The following PRRC1 variants were observed in gnomAD, a reference collection of about 807,000 sequenced individuals.
The protein encoded by PRRC1 is proline rich coiled-coil 1.
In PRRC1, 39 loss-of-function variants were observed where a neutral mutation model predicts 40.7. The observed-to-expected ratio is 0.96, with a 90% CI of 0.74 to 1.25. PRRC1 has a LOEUF of 1.25. PRRC1 is among the 50% of genes most tolerant of loss of function. PRRC1 has a pLI of 0.00. For synonymous variants in PRRC1, 175 were observed against 193.3 expected (o/e 0.91, Z 0.79); for missense variants, 573 against 548.3 (o/e 1.05, Z -0.45).
chr5:127,523,654 A>G (rs941618335), intron 2 of PRRC1, 72 bp downstream of exon 2: 2 of 881,730 alleles, frequency 2.3e-6, no homozygotes, highest in East Asian at 2.6e-5. Context: ...CTCAGAGTCA[A>G]TTAAGAAAAG....
intron 8 of PRRC1, chr5:127,548,836 T>C (rs951978900): frequency 2.0e-5 from 3 of 152,138 alleles, no homozygotes; most frequent in Non-Finnish European, 2.9e-5. Context: ...TTTGAAATTT[T>C]ACTGAAACTT....
In PRRC1 at chr5:127,547,853, C is replaced by T; in HGVS notation, c.1060C>T (p.Pro354Ser). 1 of 1,613,286 alleles carries T rather than the reference C, an allele frequency of 6.2e-7. No individual in the cohort carries two copies. The highest frequency in any genetic ancestry group is 1.1e-5 in the South Asian group (1 of 90,944). The stretch of plus-strand genomic sequence containing the variant: ...CATTGGTTGTTTGGTGGTTGAAGAT[C>T]CTGTCCATGGCATTCATCTAGAAAC... ...FDIGCLVVED[P>S]VHGIHLETFT... The change falls in exon 8 of 9, where the codon CCT becomes TCT. Residue 354 changes from proline (P) to serine (S), a missense_variant. Coordinates refer to ENST00000296666, the MANE Select transcript of PRRC1 (RefSeq NM_130809.5).
chr5:127,544,854 C>G (rs762268331), intron 7 of PRRC1, among the ~76,000 whole-genome samples: 4 of 152,234 alleles, frequency 2.6e-5, no homozygotes, highest in African/African-American at 9.6e-5. Context: ...ATGCCTCACC[C>G]TGCTTCGGCT....
At position 127,551,732 on chromosome 5, in the gene PRRC1, A is replaced by G. The variant is rs1458395908; in HGVS notation, c.1154A>G (p.Tyr385Cys). 2 of 1,613,978 alleles carry G rather than the reference A, an allele frequency of 1.2e-6. No homozygotes were observed. The highest frequency in any genetic ancestry group is 1.7e-5 in the Admixed American group (1 of 59,976). The change falls in exon 9 of 9, where the codon TAT becomes TGT. Residue 385 changes from tyrosine to cysteine, a missense_variant. Transcript: ENST00000296666. ...QQAQSLTPQD[Y>C]NLRWSGLLVT... ...GCTCAAAGTCTAACTCCCCAGGACT[A>G]TAATCTGAGGTGGTCAGGCCTTTTG...
intron 8 of PRRC1, chr5:127,548,127 T>C (rs2127117493): frequency 1.6e-6 from 1 of 623,714 alleles, no homozygotes; most frequent in Non-Finnish European, 2.8e-6. Flanking sequence ...TCCAGGTGTC[T>C]TTGAAAGGTA....
chr5:127,543,107 T>G (rs1458377423), intron 7 of PRRC1, among the ~76,000 whole-genome samples: 2 of 151,866 alleles, frequency 1.3e-5, no homozygotes, highest in African/African-American at 2.4e-5. Context: ...GTCTGTAAAG[T>G]ATTTTATTTC....
chr5:127,522,667 A>G (rs140536135), intron 1 of PRRC1, among the ~76,000 whole-genome samples: 90 of 151,906 alleles, frequency 5.9e-4, no homozygotes, highest in African/African-American at 2.1e-3. Flanking sequence ...GTAGGTTTAC[A>G]GCGGTCAGCC....
chr5:127,526,710 C>G lies in PRRC1; in HGVS notation c.586C>G (p.Gln196Glu), dbSNP rs2127093681. 1 of 1,613,456 alleles carries G rather than the reference C, an allele frequency of 6.2e-7. No individual in the cohort carries two copies. The highest frequency in any genetic ancestry group is 2.2e-5 in the East Asian group (1 of 44,838). Residue 196 changes from glutamine (Q) to glutamate (E), a missense_variant, in exon 4 of 9, where the codon CAA becomes GAA. Physicochemically the swap from Gln to Glu is conservative, Grantham distance 29. Coordinates refer to ENST00000296666, the MANE Select transcript of PRRC1 (RefSeq NM_130809.5). ...ATCAGCCATTACTTTCCCAGAGGAG[C>G]AAGAAGACCCTAGAATTACTAGAGG... is the stretch of plus-strand genomic sequence containing the variant. ...TTSAITFPEEQEDPRITRGQD... is the reference protein window; with the variant it reads ...TTSAITFPEEEEDPRITRGQD...
intron 7 of PRRC1, among the ~76,000 whole-genome samples, chr5:127,543,838 G>A (rs1368138439): frequency 6.6e-6 from 1 of 152,206 alleles, no homozygotes; most frequent in Non-Finnish European, 1.5e-5. Context: ...GTAGCTCGGA[G>A]TAGTTTGATC....
intron 4 of PRRC1, among the ~76,000 whole-genome samples, chr5:127,527,038 A>C (rs1767636093): frequency 6.6e-6 from 1 of 152,152 alleles, no homozygotes; most frequent in African/African-American, 2.4e-5. Context: ...TATATCATGG[A>C]TATCTTCCTG....
chr5:127,545,833 AAT>A (rs1768203918), intron 7 of PRRC1, among the ~76,000 whole-genome samples: 1 of 151,680 alleles, frequency 6.6e-6, no homozygotes, highest in Non-Finnish European at 1.5e-5. Context: ...CTGTGAAGAT[AAT>A]ATGTTGTTTT....
At chr5:127,545,889 G>A (rs562643465) in intron 7 of PRRC1, among the ~76,000 whole-genome samples, 87 of 151,470 alleles carry the variant, frequency 5.7e-4, no homozygotes, top group African/African-American at 1.4e-3. Context: ...TATTTTTTGC[G>A]GTTTTAGAAT....
chr5:127,518,997 G>A (rs576792617), intron 1 of PRRC1, among the ~76,000 whole-genome samples: 2 of 152,116 alleles, frequency 1.3e-5, no homozygotes, highest in Non-Finnish European at 2.9e-5. Context: ...TGCCATTACG[G>A]CAGTTTTCAT....
At chr5:127,541,216 G>A (rs1768037592) in intron 7 of PRRC1, among the ~76,000 whole-genome samples, 1 of 152,150 alleles carries the variant, frequency 6.6e-6, no homozygotes, top group Non-Finnish European at 1.5e-5. Flanking sequence ...TCTTCCCAGG[G>A]ATGAAGCCCA....
At chr5:127,545,617 C>T (rs1268462936) in intron 7 of PRRC1, among the ~76,000 whole-genome samples, 3 of 127,476 alleles carry the variant, frequency 2.4e-5, no homozygotes, top group African/African-American at 9.3e-5. Flanking sequence ...AGGGGAACAG[C>T]ACACTCTGGG....
At chr5:127,526,913 C>T (rs944154584) in intron 4 of PRRC1, 135 bp downstream of exon 4, 2 of 697,172 alleles carry the variant, frequency 2.9e-6, no homozygotes, top group African/African-American at 1.8e-5. Context: ...TCTGTAGCTG[C>T]TCTCAGTCTC....
In PRRC1 at chr5:127,554,965, G is replaced by A. The variant is rs956329764; in HGVS notation, c.*3049G>A. 2 of 152,476 alleles carry A rather than the reference G, an allele frequency of 1.3e-5. No homozygotes were observed. Among genetic ancestry groups the A allele is most frequent in the Non-Finnish European group, 2.9e-5 (2 of 67,996 alleles). 9.4% of individuals were successfully genotyped at this position (152,476 alleles called of 1,614,324 possible). On this transcript the variant is annotated 3_prime_UTR_variant, in exon 9 of 9. Coordinates refer to ENST00000296666, the MANE Select transcript of PRRC1 (RefSeq NM_130809.5). The stretch of plus-strand genomic sequence containing the variant: ...CTATACATAAATTATTAAGAAATAT[G>A]GATTTTTATTCCCAGGATATGGTGT...
chr5:127,545,667 A>G (rs1050201920), intron 7 of PRRC1, among the ~76,000 whole-genome samples: 4 of 150,846 alleles, frequency 2.7e-5, no homozygotes, highest in African/African-American at 9.7e-5. Context: ...ATTAGGAGAT[A>G]TACCTAATGC....
At chr5:127,531,091 G>T (rs763219546) in intron 5 of PRRC1, among the ~76,000 whole-genome samples, 4 of 152,184 alleles carry the variant, frequency 2.6e-5, no homozygotes, top group Middle Eastern at 3.2e-3. Context: ...AAAGCCAATA[G>T]CTTTCACAAG....
Sources: allele counts gnomAD v4.1 joint callset (sites outside exome capture counted in the v4.1 genomes callset), GRCh38; gene constraint gnomAD v4.1.1; transcripts MANE v1.5; gene names NCBI Gene and HGNC (gene_info 2026-07-23, HGNC 2026-07-21).